ZNF680: variants seen among roughly 807,000 people sequenced by gnomAD.
ZNF680 encodes hypothetical protein FLJ90430.
In ZNF680, 6 loss-of-function variants were observed where a neutral mutation model predicts 12.1. The ratio of observed to expected loss-of-function variants is 0.49; its 90% CI spans 0.27 to 0.98. ZNF680 has a LOEUF of 0.98. Ranked by LOEUF, ZNF680 falls within the 50% of genes least tolerant of loss-of-function variation. The pLI is 0.12. For missense variants in ZNF680, 561 were observed against 616.3 expected (o/e 0.91, Z 0.95); for synonymous variants, 170 against 199.3 (o/e 0.85, Z 1.24).
At chr7:64,562,839 T>A in intron 1 of ZNF680, 86 bp downstream of exon 1, 1 of 1,521,664 alleles carries the variant, frequency 6.6e-7, no homozygotes, top group Non-Finnish European at 9.1e-7. Flanking sequence ...GCCCAGTGCT[T>A]GGAGCCTGGA....
chr7:64,531,497 T>C (rs2116424488), intron 3 of ZNF680, among the ~76,000 whole-genome samples: 1 of 149,056 alleles, frequency 6.7e-6, no homozygotes, highest in Non-Finnish European at 1.5e-5. Context: ...CTCGGGTGGT[T>C]GAGGCAGGAG....
the ZNF680 span, chr7:64,501,227 T>C: frequency 3.5e-6 from 3 of 867,956 alleles, no homozygotes; most frequent in East Asian, 7.4e-5. Flanking sequence ...TGTGAAAGGA[T>C]GTACAGTTGC....
chr7:64,535,847 G>C (rs1306600978), intron 3 of ZNF680, among the ~76,000 whole-genome samples: 1 of 152,046 alleles, frequency 6.6e-6, no homozygotes, highest in Non-Finnish European at 1.5e-5. Flanking sequence ...GAGAGGCTGA[G>C]GCAAGAGAAT....
Position 64,555,725 on chromosome 7 carries a change from T to TA in ZNF680, c.30+7199dup, listed in dbSNP as rs200640611. On this transcript the variant is annotated intron_variant, in intron 1 of 3. Coordinates refer to ENST00000309683, the MANE Select transcript of ZNF680 (RefSeq NM_178558.5). ...AAAAAATCCAGGAATTAAACCTTTG[T>TA]AAAAAAAAATATATATATATATATA... Among the ~76,000 whole-genome samples, 800 of 121,896 alleles carry TA rather than the reference T, an allele frequency of 6.6e-3. 5 individuals are homozygous for TA. Among genetic ancestry groups the TA allele is most frequent in the African/African-American group, 0.013 (358 of 27,458 alleles). The allele number at this position is 121,896 out of a possible 152,430, so 80.0% of individuals were successfully genotyped here.
At chr7:64,543,835 G>T in intron 2 of ZNF680, 33 bp from the exon 3 acceptor site, 1 of 1,578,802 alleles carries the variant, frequency 6.3e-7, no homozygotes, top group Non-Finnish European at 8.7e-7. Flanking sequence ...CATGAATCTT[G>T]CTCATATTCT....
the ZNF680 span, among the ~76,000 whole-genome samples, chr7:64,500,382 C>G: frequency 8.6e-5 from 13 of 152,014 alleles, no homozygotes; most frequent in African/African-American, 2.9e-4. Context: ...ATGGAAGCAA[C>G]CTAAGTGTCC....
downstream of ZNF680, among the ~76,000 whole-genome samples, chr7:64,515,341 C>T (rs539962576): frequency 2.0e-3 from 308 of 151,966 alleles, no homozygotes; most frequent in Non-Finnish European, 3.1e-3. Flanking sequence ...CTAGCACCCC[C>T]CCCTAAAAAA....
intron 1 of ZNF680, among the ~76,000 whole-genome samples, chr7:64,547,080 G>A (rs571250376): frequency 1.5e-4 from 23 of 151,982 alleles, no homozygotes; most frequent in Non-Finnish European, 2.9e-4. Flanking sequence ...TTAGAAGACT[G>A]GGCTGATAAC....
Position 64,522,153 on chromosome 7 carries a change from T to A in ZNF680, c.601A>T (p.Ile201Leu). The change falls in exon 4 of 4, where the codon ATA becomes TTA. Residue 201 changes from isoleucine to leucine, a missense_variant. Physicochemically the swap from Ile to Leu is conservative, Grantham distance 5. Coordinates refer to ENST00000309683, the MANE Select transcript of ZNF680 (RefSeq NM_178558.5). ...FCMLSHLTQH[I>L]RIHTRENSYK... Reference sequence around the variant, plus strand: ...GAATTCTCTCTAGTGTGAATTCTTATATGTTGTGTTAGATGTGAAAGCATG... The same window carrying A: ...GAATTCTCTCTAGTGTGAATTCTTAAATGTTGTGTTAGATGTGAAAGCATG... The A allele has an allele frequency of 1.9e-6, 3 of 1,613,012 alleles. No homozygotes were observed. The highest frequency in any genetic ancestry group is 1.7e-6 in the Non-Finnish European group (2 of 1,179,436).
chr7:64,558,595 T>C (rs1787548438), intron 1 of ZNF680, among the ~76,000 whole-genome samples: 1 of 152,112 alleles, frequency 6.6e-6, no homozygotes, highest in Non-Finnish European at 1.5e-5. Flanking sequence ...CAGGCAGATG[T>C]AGTTAAGGTT....
chr7:64,503,378 CTTTTTTTTTTT>C, the ZNF680 span, among the ~76,000 whole-genome samples: 7 of 89,888 alleles, frequency 7.8e-5, no homozygotes, highest in Non-Finnish European at 1.2e-4. Context: ...AACTGGAAGG[CTTTTTTTTTTT>C]TTTTTTTTTT....
At chr7:64,554,417 G>A (rs1338015978) in intron 1 of ZNF680, among the ~76,000 whole-genome samples, 1 of 151,308 alleles carries the variant, frequency 6.6e-6, no homozygotes, top group African/African-American at 2.4e-5. Context: ...GAGGTGGGGG[G>A]CAGCCCCCAC....
intron 1 of ZNF680, among the ~76,000 whole-genome samples, chr7:64,559,805 A>G (rs540324873): frequency 6.6e-6 from 1 of 152,092 alleles, no homozygotes; most frequent in Non-Finnish European, 1.5e-5. Flanking sequence ...TTGAAGATGC[A>G]TAACATTTTA....
chr7:64,519,932 A>G lies in ZNF680; in HGVS notation c.*1229T>C, dbSNP rs1233686429. The G allele has an allele frequency of 6.6e-6, 1 of 151,858 alleles. No homozygotes were observed. Among genetic ancestry groups the G allele is most frequent in the African/African-American group, 2.4e-5 (1 of 41,416 alleles). 9.4% of individuals were successfully genotyped at this position (151,858 alleles called of 1,614,324 possible). A position where few individuals can be genotyped will look rare whatever the true frequency, so the allele number is the denominator to read the frequency against. ...AAATTAAGCTTATACATAATCTAAA[A>G]ATTTTCAAATGTACTGCATTTATAG... On this transcript the variant is annotated 3_prime_UTR_variant, in exon 4 of 4. Coordinates refer to ENST00000309683, the MANE Select transcript of ZNF680 (RefSeq NM_178558.5).
intron 1 of ZNF680, chr7:64,561,338 G>A (rs1787722507): frequency 6.6e-6 from 1 of 152,352 alleles, no homozygotes; most frequent in Admixed American, 6.6e-5. Flanking sequence ...AGTCATGGTG[G>A]GTATCATGGT....
intron 1 of ZNF680, among the ~76,000 whole-genome samples, chr7:64,560,572 G>A (rs568948190): frequency 6.6e-6 from 1 of 152,270 alleles, no homozygotes; most frequent in South Asian, 2.1e-4. Context: ...AATACTTTGG[G>A]AGGCCAAGGC....
chr7:64,535,548 A>G (rs1266229299), intron 3 of ZNF680, among the ~76,000 whole-genome samples: 1 of 152,238 alleles, frequency 6.6e-6, no homozygotes, highest in East Asian at 1.9e-4. Context: ...GCATTGAGTC[A>G]AATAGGCTGA....
chr7:64,543,798 A>C lies in ZNF680; in HGVS notation c.162T>G (p.Ile54Met). ...ENYRNLVFLGIAVSKPHLITC... is the reference protein window; with the variant it reads ...ENYRNLVFLGMAVSKPHLITC... Reference sequence around the variant, plus strand: ...TTATCAGGTGAGGCTTAGAGACAGCAATACCTGTTTTATTAAAAATAAATA... The same window carrying C: ...TTATCAGGTGAGGCTTAGAGACAGCCATACCTGTTTTATTAAAAATAAATA... Residue 54 changes from isoleucine (I) to methionine (M), a missense_variant, in exon 3 of 4, where the codon ATT (isoleucine) becomes ATG (methionine). By Grantham distance (10) the Ile-to-Met change is conservative (BLOSUM62 1). Coordinates refer to ENST00000309683, the MANE Select transcript of ZNF680 (RefSeq NM_178558.5). The C allele has an allele frequency of 6.2e-7, 1 of 1,612,342 alleles. No individual in the cohort carries two copies. Among genetic ancestry groups the C allele is most frequent in the Non-Finnish European group, 8.5e-7 (1 of 1,179,046 alleles).
chr7:64,526,357 G>A, intron 3 of ZNF680: 1 of 1,276,574 alleles, frequency 7.8e-7, no homozygotes, highest in Non-Finnish European at 1.0e-6. Flanking sequence ...AAAGGTGACA[G>A]TGTTATGATT....
Sources: allele counts gnomAD v4.1 joint callset (sites outside exome capture counted in the v4.1 genomes callset), GRCh38; gene constraint gnomAD v4.1.1; transcripts MANE v1.5; gene names NCBI Gene and HGNC (gene_info 2026-07-23, HGNC 2026-07-21).